The following XIRP2 variants were observed in gnomAD, a reference collection of about 807,000 sequenced individuals.
The protein encoded by XIRP2 is xin actin binding repeat containing 2.
Under a neutral mutation model 277.0 loss-of-function variants are expected in XIRP2, and 236 were observed. The observed-to-expected ratio is 0.85, with a 90% CI of 0.77 to 0.95. XIRP2 has a LOEUF of 0.95. Among genes scored for constraint, XIRP2 ranks in the 40% least tolerant of loss-of-function variants. The probability of loss-of-function intolerance (pLI) is 0.00; values close to 1 mark genes in which losing one functional copy is unlikely to be tolerated. For missense variants in XIRP2, 4,640 were observed against 4,157.5 expected (o/e 1.12, Z -3.19); for synonymous variants, 1,490 against 1,416.5 (o/e 1.05, Z -1.17).
chr2:167,245,276 G>C lies in XIRP2; in HGVS notation c.3884G>C (p.Ser1295Thr). ...DEIKEESDYI[S>T]TKKTITEEVI... is the part of the protein sequence containing the mutation. ...ATTAAAGAAGAATCTGACTATATCA[G>C]CACCAAGAAAACAATTACTGAAGAA... The change falls in exon 9 of 11, where the codon AGC becomes ACC. Residue 1295 changes from serine to threonine, a missense_variant. By Grantham distance (58) the Ser-to-Thr change is moderately conservative. Coordinates refer to ENST00000409195, the MANE Select transcript of XIRP2 (RefSeq NM_152381.6). 1 of 1,613,378 alleles carries C rather than the reference G, an allele frequency of 6.2e-7. No homozygotes were observed. Among genetic ancestry groups the C allele is most frequent in the South Asian group, 1.1e-5 (1 of 91,004 alleles).
chr2:167,118,074 C>A (rs910671706), intron 2 of XIRP2, among the ~76,000 whole-genome samples: 5 of 152,104 alleles, frequency 3.3e-5, no homozygotes. Flanking sequence ...TTTTCCCCCA[C>A]CAAAAATTAA....
intron 2 of XIRP2, among the ~76,000 whole-genome samples, chr2:166,917,435 T>C (rs1684918894): frequency 6.6e-6 from 1 of 152,210 alleles, no homozygotes; most frequent in Non-Finnish European, 1.5e-5. Flanking sequence ...GTTAGTGTTC[T>C]TTTCACCCAC....
At chr2:167,200,632 C>CT (rs942324406) in intron 3 of XIRP2, among the ~76,000 whole-genome samples, 39 of 152,136 alleles carry the variant, frequency 2.6e-4, no homozygotes, top group Admixed American at 7.2e-4. Context: ...TTATATTTAT[C>CT]TTTTTAGAAA....
chr2:166,888,811 A>G (rs1574052256), intron 1 of XIRP2, among the ~76,000 whole-genome samples: 1 of 152,176 alleles, frequency 6.6e-6, no homozygotes, highest in African/African-American at 2.4e-5. Context: ...TGGGGCAGCA[A>G]TGTGCCCAGA....
At chr2:166,891,560 A>G (rs1684105945) in intron 1 of XIRP2, among the ~76,000 whole-genome samples, 1 of 152,212 alleles carries the variant, frequency 6.6e-6, no homozygotes, top group Non-Finnish European at 1.5e-5. Context: ...TTTCTTTCAC[A>G]TTCTTATCAG....
intron 3 of XIRP2, among the ~76,000 whole-genome samples, chr2:167,170,095 C>G (rs999221800): frequency 6.6e-6 from 1 of 152,116 alleles, no homozygotes; most frequent in Non-Finnish European, 1.5e-5. Flanking sequence ...GAGTTTTAAT[C>G]ATAAGTGAGT....
intron 4 of XIRP2, among the ~76,000 whole-genome samples, chr2:167,211,358 G>A (rs2105390182): frequency 6.6e-6 from 1 of 152,232 alleles, no homozygotes; most frequent in East Asian, 1.9e-4. Context: ...GCCTCCCAAA[G>A]TGCTGGGATT....
chr2:167,110,924 C>G (rs968204901), intron 2 of XIRP2, among the ~76,000 whole-genome samples: 1 of 151,908 alleles, frequency 6.6e-6, no homozygotes, highest in African/African-American at 2.4e-5. Flanking sequence ...TTTTCTTCTT[C>G]TTGTGGCAAC....
rs769000573 is a variant in XIRP2 at position 167,248,848 on chromosome 2, C to G, written c.7456C>G (p.Leu2486Val). 1 of 1,613,496 alleles carries G rather than the reference C, an allele frequency of 6.2e-7. No homozygotes were observed. The highest frequency in any genetic ancestry group is 1.1e-5 in the South Asian group (1 of 91,056). The change falls in exon 9 of 11, where the codon CTT becomes GTT. Residue 2486 changes from leucine (L) to valine (V), a missense_variant. Physicochemically the swap from Leu to Val is conservative, Grantham distance 32. Transcript: ENST00000409195. ...AAAGCAGAACGTTATTAGTAAGAGTCTTGATGAAAGAAAACAATTATCTAT... is the reference window on the plus strand; with the variant it reads ...AAAGCAGAACGTTATTAGTAAGAGTGTTGATGAAAGAAAACAATTATCTAT... ...ETKQNVISKS[L>V]DERKQLSIDS...
At position 167,070,043 on chromosome 2, in the gene XIRP2, G is replaced by A. The variant is rs145505398; in HGVS notation, c.409-65866G>A. ...TCATGTCTCAACTACCTACATGCCT[G>A]AACTGTCCTCAGTGACCCAGTCCCA... On this transcript the variant is annotated intron_variant, in intron 2 of 10. Transcript: ENST00000409195. 7.0e-3 allele frequency among the ~76,000 whole-genome samples: 1,063 copies of A among 152,056 alleles called. 13 individuals carry two copies. The highest frequency in any genetic ancestry group is 0.024 in the African/African-American group (1,008 of 41,482).
At chr2:166,982,470 G>A (rs1215567225) in intron 2 of XIRP2, among the ~76,000 whole-genome samples, 1 of 151,412 alleles carries the variant, frequency 6.6e-6, no homozygotes, top group Non-Finnish European at 1.5e-5. Flanking sequence ...GAAGACATAT[G>A]TATTTTACCA....
chr2:167,201,273 A>AAGGAAGGAAGGAAGG (rs1559018492), intron 3 of XIRP2, among the ~76,000 whole-genome samples: 1 of 100,800 alleles, frequency 9.9e-6, no homozygotes, highest in African/African-American at 7.5e-5. Context: ...AGAGAGGGAG[A>AAGGAAGGAAGGAAGG]AAGGAAAGAA....
chr2:167,254,089 A>G lies in XIRP2; in HGVS notation c.10613A>G (p.Asn3538Ser), dbSNP rs202100155. The G allele has an allele frequency of 5.1e-4, 822 of 1,610,838 alleles. No homozygotes were observed. The highest frequency in any genetic ancestry group is 6.5e-4 in the Non-Finnish European group (763 of 1,178,304). ...ACTTTGTCAAAAGACAGTTTATCCA[A>G]TGGAGTGCCTAGTGGCAGACAAGCA... is the stretch of plus-strand genomic sequence containing the variant. ...MYTLSKDSLS[N>S]GVPSGRQAEF... Residue 3538 changes from asparagine to serine, a missense_variant, in exon 10 of 11, where the codon AAT becomes AGT. Physicochemically the swap from Asn to Ser is conservative, Grantham distance 46. Transcript: ENST00000409195.
Position 167,241,852 on chromosome 2 carries a change from C to T in XIRP2, c.1118C>T (p.Ala373Val). Residue 373 changes from alanine (A) to valine (V), a missense_variant, in exon 8 of 11, where the codon GCC (alanine) becomes GTC (valine). Transcript: ENST00000409195. The stretch of plus-strand genomic sequence containing the variant: ...TTAAAAGAGCAGTTTGAAAAGTCTG[C>T]CCAGGAAAAGATCCTTTATTCTGAC... ...KLLKEQFEKSAQEKILYSDKE... is the reference protein window; with the variant it reads ...KLLKEQFEKSVQEKILYSDKE... The T allele has an allele frequency of 1.2e-6, 2 of 1,613,422 alleles. No homozygotes were observed. Among genetic ancestry groups the T allele is most frequent in the Non-Finnish European group, 1.7e-6 (2 of 1,179,668 alleles).
At chr2:167,082,598 C>G (rs1453538484) in intron 2 of XIRP2, among the ~76,000 whole-genome samples, 1 of 152,206 alleles carries the variant, frequency 6.6e-6, no homozygotes, top group East Asian at 1.9e-4. Flanking sequence ...CACATGCTCT[C>G]CAGCACCTAT....
At chr2:167,163,581 C>T (rs73019985) in intron 3 of XIRP2, among the ~76,000 whole-genome samples, 15,050 of 152,206 alleles carry the variant, frequency 0.099, 796 homozygotes, top group South Asian at 0.15. Context: ...AGTTTATGCG[C>T]TGCAAATATT....
intron 2 of XIRP2, among the ~76,000 whole-genome samples, chr2:167,011,504 A>G (rs150744457): frequency 0.14 from 21,076 of 151,544 alleles, 1,999 homozygotes; most frequent in East Asian, 0.45. Flanking sequence ...TTGCATCAAT[A>G]TTCATCAAGG....
At chr2:167,077,484 G>A (rs1378292255) in intron 2 of XIRP2, among the ~76,000 whole-genome samples, 1 of 151,928 alleles carries the variant, frequency 6.6e-6, no homozygotes, top group East Asian at 1.9e-4. Context: ...TTTTCAAGTG[G>A]GAGAATGAAT....
At chr2:167,136,195 A>G in intron 3 of XIRP2, 133 bp downstream of exon 3, 1 of 872,368 alleles carries the variant, frequency 1.1e-6, no homozygotes, top group Non-Finnish European at 1.5e-6. Flanking sequence ...TTTAGGAAAT[A>G]CAATTTAGGA....
Sources: gnomAD v4.1 joint callset for allele counts (sites outside exome capture counted in the v4.1 genomes callset) on GRCh38, gnomAD v4.1.1 for gene constraint, MANE v1.5 for transcripts, NCBI Gene and HGNC (gene_info 2026-07-23, HGNC 2026-07-21) for gene names.